VTI1A: variants seen among roughly 807,000 people sequenced by gnomAD.
The protein encoded by VTI1A is vesicle transport through interaction with t-SNAREs 1A.
Under a neutral mutation model 34.9 loss-of-function variants are expected in VTI1A, and 22 were observed. The observed-to-expected ratio is 0.63, with a 90% CI of 0.45 to 0.90. VTI1A has a LOEUF of 0.90. Among genes scored for constraint, VTI1A ranks in the 40% least tolerant of loss-of-function variants. VTI1A has a pLI of 0.00. For missense variants in VTI1A, 268 were observed against 275.6 expected (o/e 0.97, Z 0.20); for synonymous variants, 87 against 97.3 (o/e 0.89, Z 0.62).
At chr10:112,592,924 A>C (rs1455360424) in intron 5 of VTI1A, among the ~76,000 whole-genome samples, 1 of 152,222 alleles carries the variant, frequency 6.6e-6, no homozygotes, top group Admixed American at 6.5e-5. Context: ...TGTGAAGACT[A>C]TAATCAGGAG....
chr10:112,618,963 T>C (rs1345811101), intron 5 of VTI1A, among the ~76,000 whole-genome samples: 1 of 152,058 alleles, frequency 6.6e-6, no homozygotes, highest in Non-Finnish European at 1.5e-5. Context: ...AATCAACCAA[T>C]TATTAATTAG....
chr10:112,651,695 A>T (rs939305531), intron 5 of VTI1A, among the ~76,000 whole-genome samples: 35 of 152,252 alleles, frequency 2.3e-4, no homozygotes, highest in African/African-American at 7.2e-4. Flanking sequence ...TAGTAATAAT[A>T]ATTATTTTTT....
intron 5 of VTI1A, among the ~76,000 whole-genome samples, chr10:112,597,854 C>T (rs1315866037): frequency 2.6e-5 from 4 of 151,584 alleles, no homozygotes; most frequent in Non-Finnish European, 4.4e-5. Flanking sequence ...CCCGCCACCA[C>T]GCCCGGCTAA....
At chr10:112,793,749 T>G (rs1182145288) in intron 7 of VTI1A, among the ~76,000 whole-genome samples, 3 of 152,208 alleles carry the variant, frequency 2.0e-5, no homozygotes, top group Non-Finnish European at 4.4e-5. Context: ...CCTGATTGTG[T>G]GCTCCGATAG....
At chr10:112,846,777 A>G in the VTI1A span, among the ~76,000 whole-genome samples, 6 of 151,868 alleles carry the variant, frequency 4.0e-5, no homozygotes, top group African/African-American at 7.3e-5. Context: ...AAAAAAAAAA[A>G]AAAAAGAAAA....
At chr10:112,674,087 G>A (rs1197009033) in intron 7 of VTI1A, among the ~76,000 whole-genome samples, 1 of 152,156 alleles carries the variant, frequency 6.6e-6, no homozygotes, top group East Asian at 1.9e-4. Flanking sequence ...TTTAGGCACT[G>A]AAGAAAGTAT....
intron 7 of VTI1A, among the ~76,000 whole-genome samples, chr10:112,695,195 A>G (rs760056694): frequency 6.6e-6 from 1 of 152,148 alleles, no homozygotes; most frequent in Non-Finnish European, 1.5e-5. Flanking sequence ...GCTGCATAGT[A>G]TATACTGTTT....
At chr10:112,546,048 ACGTGTATAC>A (rs1851095372) in intron 5 of VTI1A, among the ~76,000 whole-genome samples, 1 of 149,996 alleles carries the variant, frequency 6.7e-6, no homozygotes, top group African/African-American at 2.5e-5. Context: ...GTGTGTATAT[ACGTGTATAC>A]GCGTATGTGT....
intron 7 of VTI1A, among the ~76,000 whole-genome samples, chr10:112,802,833 C>T (rs577704351): frequency 6.6e-6 from 1 of 152,156 alleles, no homozygotes; most frequent in African/African-American, 2.4e-5. Flanking sequence ...AAGAAGGACA[C>T]TGGGGAAAAA....
chr10:112,567,320 C>A (rs912035764), intron 5 of VTI1A, among the ~76,000 whole-genome samples: 5 of 152,078 alleles, frequency 3.3e-5, no homozygotes, highest in Non-Finnish European at 7.4e-5. Flanking sequence ...TGAACCACTG[C>A]GCCGGCCATA....
intron 5 of VTI1A, among the ~76,000 whole-genome samples, chr10:112,655,218 T>C (rs1207589354): frequency 2.0e-5 from 3 of 152,216 alleles, no homozygotes; most frequent in Non-Finnish European, 4.4e-5. Context: ...GGCCCTTTCA[T>C]TTATCAATTG....
At chr10:112,679,362 C>T (rs1055381867) in intron 7 of VTI1A, among the ~76,000 whole-genome samples, 10 of 152,090 alleles carry the variant, frequency 6.6e-5, no homozygotes, top group African/African-American at 2.4e-4. Flanking sequence ...TACTCAAAAG[C>T]GTAGTTAAAA....
In VTI1A at chr10:112,728,340, C is replaced by T. The variant is rs372408553; in HGVS notation, c.560+59342C>T. Among the ~76,000 whole-genome samples, 5 of 152,318 alleles carry T rather than the reference C, an allele frequency of 3.3e-5. 1 individual carries two copies. In the South Asian group the frequency reaches 8.3e-4, roughly 25 times the overall value. ...GTGACACCTGGTTTATGTTTATCAA[C>T]AACTAAGTGAGCTATAAATTTTGTG... On this transcript the variant is annotated intron_variant, in intron 7 of 7. Transcript: ENST00000393077.
intron 5 of VTI1A, among the ~76,000 whole-genome samples, chr10:112,606,172 C>G (rs1465920650): frequency 6.6e-6 from 1 of 151,798 alleles, no homozygotes; most frequent in Non-Finnish European, 1.5e-5. Flanking sequence ...ATTACAGGTG[C>G]ACGCCACCAC....
At chr10:112,448,933 G>A (rs1188715712) in intron 1 of VTI1A, 2 of 152,180 alleles carry the variant, frequency 1.3e-5, no homozygotes, top group Non-Finnish European at 2.9e-5. Context: ...CTCATCTCCT[G>A]AAGTCCCCAG....
intron 7 of VTI1A, among the ~76,000 whole-genome samples, chr10:112,699,384 G>T (rs1450404197): frequency 1.3e-5 from 2 of 152,194 alleles, no homozygotes; most frequent in African/African-American, 4.8e-5. Flanking sequence ...GTTTATAGAT[G>T]GTTGTCTGCT....
intron 5 of VTI1A, among the ~76,000 whole-genome samples, chr10:112,641,320 C>T (rs1261579229): frequency 1.3e-5 from 2 of 152,146 alleles, no homozygotes; most frequent in Non-Finnish European, 1.5e-5. Flanking sequence ...CCTTCAAACA[C>T]GCTAAGCTTG....
chr10:112,503,337 C>A (rs1849311192), intron 3 of VTI1A, among the ~76,000 whole-genome samples: 2 of 152,108 alleles, frequency 1.3e-5, no homozygotes, highest in South Asian at 4.1e-4. Flanking sequence ...CTTTTTAGTT[C>A]CCACATATGA....
intron 7 of VTI1A, among the ~76,000 whole-genome samples, chr10:112,687,171 G>A (rs1848442670): frequency 7.2e-6 from 1 of 139,798 alleles, no homozygotes; most frequent in Non-Finnish European, 1.5e-5. Context: ...AGGCAAGGAT[G>A]AAATCAAACT....
Sources: gnomAD v4.1 joint callset for allele counts (sites outside exome capture counted in the v4.1 genomes callset) on GRCh38, gnomAD v4.1.1 for gene constraint, MANE v1.5 for transcripts, NCBI Gene and HGNC (gene_info 2026-07-23, HGNC 2026-07-21) for gene names.